MED13L: variants seen among roughly 807,000 people sequenced by gnomAD.
MED13L encodes the protein mediator complex subunit 13L, also known as mediator of RNA polymerase II transcription subunit 13-like.
MED13L carries 7 observed loss-of-function variants against 220.9 expected under a neutral mutation model. The ratio of observed to expected loss-of-function variants is 0.03; its 90% CI spans 0.02 to 0.06. The LOEUF is 0.06. Among genes scored for constraint, MED13L ranks in the 10% least tolerant of loss-of-function variants. The pLI is 1.00. For synonymous variants in MED13L, 1,011 were observed against 1,015.2 expected, an observed-to-expected ratio of 1.00 and a Z score of 0.08; for missense variants, 1,965 against 2,760.5, an observed-to-expected ratio of 0.71 and a Z score of 6.46.
At chr12:116,222,704 A>C (rs1021149654) in intron 2 of MED13L, among the ~76,000 whole-genome samples, 5 of 152,228 alleles carry the variant, frequency 3.3e-5, no homozygotes, top group African/African-American at 1.2e-4. Context: ...TCGTTGGAGA[A>C]GATGTACCTT....
Position 115,983,261 on chromosome 12 carries a change from G to A in MED13L, c.4811C>T (p.Ser1604Phe), listed in dbSNP as rs138117728. Residue 1604 changes from serine (S) to phenylalanine (F), a missense_variant, in exon 21 of 31, where the codon TCT becomes TTT. Coordinates refer to ENST00000281928, the MANE Select transcript of MED13L (RefSeq NM_015335.5). ...PGISQISTTS[S>F]SGFSGSVGGQ... ...TCCAACACTACCACTGAATCCTGAA[G>A]AAGAGGTAGTGCTTATCTGGCTAAT... is the stretch of plus-strand genomic sequence containing the variant. 1.2e-6 allele frequency: 2 copies of A among 1,614,230 alleles called. No individual in the cohort carries two copies. The highest frequency in any genetic ancestry group is 4.5e-5 in the East Asian group (2 of 44,882).
chr12:116,151,699 G>A (rs898623090), intron 2 of MED13L, among the ~76,000 whole-genome samples: 1 of 152,118 alleles, frequency 6.6e-6, no homozygotes, highest in African/African-American at 2.4e-5. Flanking sequence ...TGTCTATAGC[G>A]GCTATGGGAA....
intron 4 of MED13L, among the ~76,000 whole-genome samples, chr12:116,054,442 C>T (rs1375688746): frequency 6.6e-6 from 1 of 152,178 alleles, no homozygotes; most frequent in Non-Finnish European, 1.5e-5. Flanking sequence ...AAGTTTCCCA[C>T]CACTCTACCT....
chr12:116,143,707 C>T (rs1231510026), intron 2 of MED13L, among the ~76,000 whole-genome samples: 5 of 152,152 alleles, frequency 3.3e-5, no homozygotes, highest in Non-Finnish European at 7.3e-5. Flanking sequence ...CTACTTGCTA[C>T]ATGTCACTAT....
chr12:116,195,042 A>G (rs1281077933), intron 2 of MED13L, among the ~76,000 whole-genome samples: 2 of 152,214 alleles, frequency 1.3e-5, no homozygotes, highest in Non-Finnish European at 2.9e-5. Flanking sequence ...ACTGAGGCCG[A>G]AATTGGGCTG....
chr12:116,090,953 C>T (rs1373877800), intron 4 of MED13L, among the ~76,000 whole-genome samples: 7 of 151,666 alleles, frequency 4.6e-5, no homozygotes, highest in African/African-American at 1.2e-4. Context: ...GGTGAAATCC[C>T]GTCTCTACTA....
chr12:116,013,167 G>GT (rs1205736693), intron 8 of MED13L, among the ~76,000 whole-genome samples: 4 of 152,136 alleles, frequency 2.6e-5, no homozygotes, highest in Non-Finnish European at 5.9e-5. Context: ...GAGTCCAGGA[G>GT]TTTGAGACCA....
rs1876962690 is a variant in MED13L, at chr12:115,976,662, AAAATC to A, written c.5365-929_5365-925del. Among the ~76,000 whole-genome samples the A allele has an allele frequency of 2.6e-5, 4 of 152,322 alleles. No individual in the cohort carries two copies. The South Asian group carries it at 8.3e-4, about 32-fold the overall frequency. The stretch of plus-strand genomic sequence containing the variant: ...ATGTGTGTCTGTGTATATAATTTTA[AAAATC>A]AAATCAACAGTTGTTACCAAATATA... On this transcript the variant is annotated intron_variant, in intron 23 of 30. Coordinates refer to ENST00000281928, the MANE Select transcript of MED13L (RefSeq NM_015335.5).
intron 1 of MED13L, among the ~76,000 whole-genome samples, chr12:116,256,846 C>T (rs1007119745): frequency 6.6e-6 from 1 of 151,958 alleles, no homozygotes; most frequent in African/African-American, 2.4e-5. Context: ...CCACCTCGCC[C>T]AGCTAATTTT....
At chr12:116,056,412 A>G (rs181007623) in intron 4 of MED13L, among the ~76,000 whole-genome samples, 76 of 152,096 alleles carry the variant, frequency 5.0e-4, no homozygotes, top group Non-Finnish European at 3.1e-4. Context: ...CTGGGACCTC[A>G]GGCACAGAGT....
intron 1 of MED13L, among the ~76,000 whole-genome samples, chr12:116,245,425 A>G (rs1402899100): frequency 6.6e-6 from 1 of 152,216 alleles, no homozygotes; most frequent in African/African-American, 2.4e-5. Context: ...TTCTTAGTCC[A>G]CCATTCCTAA....
chr12:116,038,483 T>C (rs548044607), intron 4 of MED13L, among the ~76,000 whole-genome samples: 1 of 152,070 alleles, frequency 6.6e-6, no homozygotes, highest in Non-Finnish European at 1.5e-5. Context: ...AAATCAGGAA[T>C]GTTTATGTTT....
At chr12:116,124,147 A>T (rs901445415) in intron 2 of MED13L, among the ~76,000 whole-genome samples, 6 of 149,052 alleles carry the variant, frequency 4.0e-5, no homozygotes, top group Non-Finnish European at 7.4e-5. Context: ...AGAGAGAGAG[A>T]GAGACAGAGA....
At chr12:115,963,294 C>T in intron 30 of MED13L, 113 bp downstream of exon 30, 1 of 859,280 alleles carries the variant, frequency 1.2e-6, no homozygotes, top group Non-Finnish European at 1.9e-6. Flanking sequence ...TGTATCACTG[C>T]ACAAACGGCA....
chr12:116,124,463 T>C (rs1253699945), intron 2 of MED13L, among the ~76,000 whole-genome samples: 2 of 152,180 alleles, frequency 1.3e-5, no homozygotes, highest in African/African-American at 2.4e-5. Flanking sequence ...AATTCAACAG[T>C]AGTATCCTTT....
chr12:116,117,442 A>C (rs1874628905), intron 2 of MED13L, among the ~76,000 whole-genome samples: 1 of 152,142 alleles, frequency 6.6e-6, no homozygotes, highest in Admixed American at 6.5e-5. Context: ...AATATGGTAA[A>C]CTTTACTCAC....
chr12:116,036,835 T>C (rs1402528833), intron 4 of MED13L, among the ~76,000 whole-genome samples: 1 of 152,106 alleles, frequency 6.6e-6, no homozygotes, highest in Non-Finnish European at 1.5e-5. Context: ...GTATACTGAG[T>C]TTTCTTTTAT....
rs367868311 is a variant in MED13L at position 116,061,019 on chromosome 12, T to C, written c.479+35650A>G. Among the ~76,000 whole-genome samples the C allele has an allele frequency of 7.2e-5, 11 of 152,178 alleles. No homozygotes were observed. In the East Asian group the frequency reaches 1.3e-3, roughly 19 times the overall value. ...TCTCCTGCCTTCTTCTCCTCCCATCTCTGAGACTCCACTCATGCCAATAAA... is the reference window on the plus strand; with the variant it reads ...TCTCCTGCCTTCTTCTCCTCCCATCCCTGAGACTCCACTCATGCCAATAAA... On this transcript the variant is annotated intron_variant, in intron 4 of 30. Coordinates refer to ENST00000281928, the MANE Select transcript of MED13L (RefSeq NM_015335.5).
At chr12:116,158,927 T>G (rs1878651787) in intron 2 of MED13L, among the ~76,000 whole-genome samples, 1 of 152,178 alleles carries the variant, frequency 6.6e-6, no homozygotes, top group African/African-American at 2.4e-5. Context: ...ATTTTTCTAT[T>G]CTGTAACAAA....
Sources: allele counts gnomAD v4.1 joint callset (sites outside exome capture counted in the v4.1 genomes callset), GRCh38; gene constraint gnomAD v4.1.1; transcripts MANE v1.5; gene names NCBI Gene and HGNC (gene_info 2026-07-23, HGNC 2026-07-21).